The following RBFOX1 variants were observed in gnomAD, a reference collection of about 807,000 sequenced individuals.
RBFOX1 encodes RNA binding fox-1 homolog 1.
A neutral mutation model predicts 57.7 loss-of-function variants in RBFOX1; 8 were observed. That is an observed-to-expected ratio of 0.14 (90% CI 0.08 to 0.25). RBFOX1 has a LOEUF of 0.25. RBFOX1 is among the 10% of genes least tolerant of loss of function. The probability of loss-of-function intolerance (pLI) is 1.00; values close to 1 mark genes in which losing one functional copy is unlikely to be tolerated. For synonymous variants in RBFOX1, 326 were observed against 222.4 expected, an observed-to-expected ratio of 1.47 and a Z score of -4.15; for missense variants, 611 against 548.5, an observed-to-expected ratio of 1.11 and a Z score of -1.14.
chr16:6,756,323 C>G (rs1301730962), intron 3 of RBFOX1, among the ~76,000 whole-genome samples: 2 of 152,062 alleles, frequency 1.3e-5, no homozygotes, highest in Non-Finnish European at 2.9e-5. Context: ...AAAATCAACT[C>G]AAAATGCATT....
At chr16:7,078,973 G>C (rs1168986336) in intron 4 of RBFOX1, among the ~76,000 whole-genome samples, 1 of 134,374 alleles carries the variant, frequency 7.4e-6, no homozygotes, top group Admixed American at 8.5e-5. Context: ...CTCCCAACAA[G>C]ACCCTATTTT....
intron 2 of RBFOX1, among the ~76,000 whole-genome samples, chr16:5,551,195 C>A (rs544483467): frequency 6.6e-6 from 1 of 152,328 alleles, no homozygotes; most frequent in Admixed American, 6.5e-5. Flanking sequence ...GGAGCTCTTA[C>A]CCCGTGACTT....
chr16:6,531,083 C>T (rs1477005641), intron 2 of RBFOX1, among the ~76,000 whole-genome samples: 1 of 152,222 alleles, frequency 6.6e-6, no homozygotes, highest in East Asian at 1.9e-4. Flanking sequence ...GCTATTTCTA[C>T]TGGAACTGCA....
intron 4 of RBFOX1, among the ~76,000 whole-genome samples, chr16:7,449,221 G>T (rs2098832508): frequency 6.6e-6 from 1 of 151,908 alleles, no homozygotes; most frequent in Non-Finnish European, 1.5e-5. Flanking sequence ...GAGCCACCAT[G>T]CCCAGCCTGA....
At chr16:5,748,527 C>G (rs2151611794) in intron 3 of RBFOX1, among the ~76,000 whole-genome samples, 1 of 152,250 alleles carries the variant, frequency 6.6e-6, no homozygotes, top group East Asian at 1.9e-4. Context: ...TTGTAGGTCT[C>G]TAAGGACTTT....
chr16:6,181,840 C>G (rs148264558), intron 1 of RBFOX1, among the ~76,000 whole-genome samples: 92 of 152,234 alleles, frequency 6.0e-4, no homozygotes, highest in African/African-American at 2.1e-3. Flanking sequence ...TCATCATGGT[C>G]TGATGTGAAT....
chr16:7,513,300 A>T (rs1371292883), intron 4 of RBFOX1, among the ~76,000 whole-genome samples: 3 of 151,706 alleles, frequency 2.0e-5, no homozygotes, highest in Non-Finnish European at 4.4e-5. Context: ...TGAATGAATG[A>T]ATGAATGAAG....
intron 4 of RBFOX1, among the ~76,000 whole-genome samples, chr16:7,146,739 AG>A (rs2075055683): frequency 6.6e-6 from 1 of 151,738 alleles, no homozygotes; most frequent in Non-Finnish European, 1.5e-5. Context: ...ACTTGAGCCC[AG>A]GAGTGTGAGA....
intron 3 of RBFOX1, among the ~76,000 whole-genome samples, chr16:5,760,860 G>A (rs746677410): frequency 6.6e-6 from 1 of 152,230 alleles, no homozygotes; most frequent in Non-Finnish European, 1.5e-5. Context: ...GGAGTAGGGA[G>A]CGAGTGGGGT....
intron 4 of RBFOX1, among the ~76,000 whole-genome samples, chr16:7,162,664 G>C (rs574939687): frequency 1.3e-5 from 2 of 152,114 alleles, no homozygotes; most frequent in South Asian, 2.1e-4. Context: ...GGGAGACAGA[G>C]GTTGCAGTGA....
chr16:5,402,662 G>A (rs1299599474), intron 1 of RBFOX1, among the ~76,000 whole-genome samples: 2 of 152,156 alleles, frequency 1.3e-5, no homozygotes, highest in Admixed American at 6.5e-5. Flanking sequence ...CCGTGGTTGT[G>A]TCTCTTATTT....
intron 5 of RBFOX1, among the ~76,000 whole-genome samples, chr16:7,560,307 C>T (rs150032749): frequency 7.2e-5 from 11 of 152,314 alleles, no homozygotes; most frequent in South Asian, 2.1e-4. Flanking sequence ...CATTTTTAGA[C>T]GTGACAGGTG....
chr16:7,178,210 T>C (rs181460721), intron 4 of RBFOX1, among the ~76,000 whole-genome samples: 2 of 152,240 alleles, frequency 1.3e-5, no homozygotes, highest in Non-Finnish European at 2.9e-5. Flanking sequence ...AGGGAAACTT[T>C]CCTCCACACA....
At chr16:7,120,821 A>ATAT (rs2066957518) in intron 4 of RBFOX1, among the ~76,000 whole-genome samples, 1 of 92,364 alleles carries the variant, frequency 1.1e-5, no homozygotes, top group Non-Finnish European at 2.2e-5. Flanking sequence ...TATTTTATAT[A>ATAT]TGTATATATA....
chr16:6,467,928 G>A (rs1334425711), intron 2 of RBFOX1, among the ~76,000 whole-genome samples: 1 of 152,216 alleles, frequency 6.6e-6, no homozygotes, highest in Non-Finnish European at 1.5e-5. Flanking sequence ...CCAATAAAGG[G>A]TTAATGGGAA....
intron 4 of RBFOX1, among the ~76,000 whole-genome samples, chr16:7,419,066 A>C (rs2098513420): frequency 6.6e-6 from 1 of 151,886 alleles, no homozygotes; most frequent in African/African-American, 2.4e-5. Flanking sequence ...CACCACGCCC[A>C]GATAGTTTTT....
chr16:6,881,109 A>T (rs919450714), intron 3 of RBFOX1, among the ~76,000 whole-genome samples: 1 of 152,152 alleles, frequency 6.6e-6, no homozygotes, highest in Non-Finnish European at 1.5e-5. Context: ...TGGTCTTACC[A>T]TGCTTCTCAG....
chr16:7,161,612 G>C (rs759911969), intron 4 of RBFOX1, among the ~76,000 whole-genome samples: 3 of 152,094 alleles, frequency 2.0e-5, no homozygotes, highest in Non-Finnish European at 4.4e-5. Context: ...TTTGAATCTC[G>C]GCTAAGTAAT....
intron 4 of RBFOX1, among the ~76,000 whole-genome samples, chr16:5,920,247 C>G (rs1405445138): frequency 6.6e-6 from 1 of 152,188 alleles, no homozygotes; most frequent in African/African-American, 2.4e-5. Flanking sequence ...TTAGTACTTC[C>G]TTTCTGTAGA....
Sources: allele counts gnomAD v4.1 joint callset (sites outside exome capture counted in the v4.1 genomes callset), GRCh38; gene constraint gnomAD v4.1.1; transcripts MANE v1.5; gene names NCBI Gene and HGNC (gene_info 2026-07-23, HGNC 2026-07-21).